The following ACSL1 variants were observed in gnomAD, a reference collection of about 807,000 sequenced individuals.
The protein encoded by ACSL1 is acyl-CoA synthetase long chain family member 1.
In ACSL1, 41 loss-of-function variants were observed where a neutral mutation model predicts 98.4. That is an observed-to-expected ratio of 0.42 (90% CI 0.32 to 0.54). The LOEUF is 0.54. ACSL1 is among the 20% of genes least tolerant of loss of function. The pLI is 0.13. For missense variants in ACSL1, 734 were observed against 883.1 expected, an observed-to-expected ratio of 0.83 and a Z score of 2.14; for synonymous variants, 316 against 322.7, an observed-to-expected ratio of 0.98 and a Z score of 0.22.
At position 184,757,573 on chromosome 4, in the gene ACSL1, T is replaced by C; in HGVS notation, c.1956+62A>G. The stretch of plus-strand genomic sequence containing the variant: ...CCCATATGTTTATATAATCTACCTG[T>C]AAAAAAATCTTAATGGAAAATTTGT... On this transcript the variant is annotated intron_variant, in intron 20 of 20. Transcript: ENST00000281455. The surrounding 1 kb of genome is among the most constrained non-coding windows in gnomAD (Gnocchi z 4.5). 2.0e-6 allele frequency: 3 copies of C among 1,494,328 alleles called. No individual in the cohort carries two copies. In the South Asian group the frequency reaches 3.6e-5, roughly 18 times the overall value. The allele number at this position is 1,494,328 out of a possible 1,614,324, so 92.6% of individuals were successfully genotyped here.
chr4:184,776,356 A>G (rs1765281585), intron 7 of ACSL1, 128 bp downstream of exon 7: 1 of 956,390 alleles, frequency 1.0e-6, no homozygotes, highest in Admixed American at 2.9e-5. Flanking sequence ...GCTCTCTTTC[A>G]TGGGTTGCGG....
intron 1 of ACSL1, among the ~76,000 whole-genome samples, chr4:184,817,625 G>C (rs138015898): frequency 9.1e-4 from 138 of 152,196 alleles, no homozygotes; most frequent in African/African-American, 3.3e-3. Flanking sequence ...CCTGAAATGC[G>C]TGCCACACCT....
rs1773389484 is a variant in ACSL1 at position 184,825,394 on chromosome 4, C to T, written c.-33+522G>A. 2.3e-5 allele frequency: 7 copies of T among 310,288 alleles called. No individual in the cohort carries two copies. Among genetic ancestry groups the T allele is most frequent in the Non-Finnish European group, 3.3e-5 (7 of 212,860 alleles). The allele number at this position is 310,288 out of a possible 1,614,324, so 19.2% of individuals were successfully genotyped here. A position where few individuals can be genotyped will look rare whatever the true frequency, so the allele number is the denominator to read the frequency against. On this transcript the variant is annotated intron_variant, in intron 1 of 20. Transcript: ENST00000281455. This position sits in a 1 kb window ranked among gnomAD's most constrained non-coding sequence, Gnocchi z 4.7. Reference sequence around the variant, plus strand: ...CCTCTGGCAGCGGCCTCTGAGCTGCCTGTGGGCCTCGTGCCGCCGCGCTGC... The same window carrying T: ...CCTCTGGCAGCGGCCTCTGAGCTGCTTGTGGGCCTCGTGCCGCCGCGCTGC...
chr4:184,815,078 C>T, intron 1 of ACSL1: 1 of 456,232 alleles, frequency 2.2e-6, no homozygotes, highest in Non-Finnish European at 4.4e-6. Flanking sequence ...CTACAGAAGA[C>T]AGATCTGATA....
At position 184,756,113 on chromosome 4, in the gene ACSL1, G is replaced by A. The variant is rs1762100127; in HGVS notation, c.*1012C>T. ...TACTCAAGTATATACTCCCTTAATAGCTTTAAAGAAATGCTTGCCTGAGAG... is the reference window on the plus strand; with the variant it reads ...TACTCAAGTATATACTCCCTTAATAACTTTAAAGAAATGCTTGCCTGAGAG... On this transcript the variant is annotated 3_prime_UTR_variant, in exon 21 of 21. Transcript: ENST00000281455. The A allele has an allele frequency of 6.6e-6, 1 of 152,254 alleles. No individual in the cohort carries two copies. The allele number at this position is 152,254 out of a possible 1,614,324, so 9.4% of individuals were successfully genotyped here.
chr4:184,776,024 A>G (rs570135239), intron 7 of ACSL1, among the ~76,000 whole-genome samples: 1 of 152,336 alleles, frequency 6.6e-6, no homozygotes, highest in Non-Finnish European at 1.5e-5. Flanking sequence ...ATGAAAACAA[A>G]CCAAATCAAA....
At chr4:184,760,313 G>A in intron 18 of ACSL1, 44 bp downstream of exon 18, 2 of 1,604,806 alleles carry the variant, frequency 1.2e-6, no homozygotes, top group Admixed American at 1.7e-5. Context: ...ACCAGGCAAT[G>A]GCAATGTGTA....
chr4:184,787,867 GA>G lies in ACSL1; in HGVS notation c.310+749del, dbSNP rs59958161. ...CAACAAGAGCAAAACTCCGTCCAAA[GA>G]AAAAAAAAAGTGCACAAGTCTGGGC... On this transcript the variant is annotated intron_variant, in intron 3 of 20. Transcript: ENST00000281455. Among the ~76,000 whole-genome samples the G allele has an allele frequency of 8.4e-3, 1,241 of 148,120 alleles. 7 individuals carry two copies. The highest frequency in any genetic ancestry group is 0.013 in the Non-Finnish European group (839 of 67,110).
intron 10 of ACSL1, among the ~76,000 whole-genome samples, chr4:184,772,366 C>T (rs1579860185): frequency 6.6e-6 from 1 of 152,138 alleles, no homozygotes; most frequent in African/African-American, 2.4e-5. Context: ...ATCAGAGCTA[C>T]AGAATACTTC....
chr4:184,796,455 A>G (rs1197054518), intron 2 of ACSL1, among the ~76,000 whole-genome samples: 3 of 152,248 alleles, frequency 2.0e-5, no homozygotes, highest in Non-Finnish European at 4.4e-5. Flanking sequence ...AATACTTTTC[A>G]GGAATTCTCT....
chr4:184,787,345 G>A (rs570519780), intron 3 of ACSL1, among the ~76,000 whole-genome samples: 1 of 152,220 alleles, frequency 6.6e-6, no homozygotes, highest in South Asian at 2.1e-4. Flanking sequence ...CTCGGGCTAG[G>A]GGGGCAGAAT....
At position 184,783,987 on chromosome 4, in the gene ACSL1, A is replaced by G. The variant is rs1299545786; in HGVS notation, c.315T>C (p.Asn105=). The part of the protein sequence containing the change: ...GFQRGIQVSN[N]GPCLGSRKPD... ...GTTTCCGAGAGCCTAAACAAGGGCCATTATCTAAAAAAAGAGAAAAAACAA... is the reference window on the plus strand; with the variant it reads ...GTTTCCGAGAGCCTAAACAAGGGCCGTTATCTAAAAAAAGAGAAAAAACAA... Residue 105 remains asparagine, a synonymous_variant, in exon 4 of 21, where the codon AAT becomes AAC. Coordinates refer to ENST00000281455, the MANE Select transcript of ACSL1 (RefSeq NM_001995.5). 5 of 1,612,960 alleles carry G rather than the reference A, an allele frequency of 3.1e-6. No homozygotes were observed. The highest frequency in any genetic ancestry group is 3.4e-6 in the Non-Finnish European group (4 of 1,179,408).
In ACSL1 at chr4:184,773,971, G is replaced by T; in HGVS notation, c.757-96C>A. 7.1e-7 allele frequency: 1 copy of T among 1,400,794 alleles called. No individual in the cohort carries two copies. Among genetic ancestry groups the T allele is most frequent in the Non-Finnish European group, 1.0e-6 (1 of 999,574 alleles). 86.8% of individuals were successfully genotyped at this position (1,400,794 alleles called of 1,614,324 possible). On this transcript the variant is annotated intron_variant, in intron 7 of 20. Coordinates refer to ENST00000281455, the MANE Select transcript of ACSL1 (RefSeq NM_001995.5). The surrounding 1 kb of genome is among the most constrained non-coding windows in gnomAD (Gnocchi z 4.3). ...TCACTTAAAGCTGGCTTTACTGTGGGGTTCATTCACACCTGGCTCGAAAAC... is the reference window on the plus strand; with the variant it reads ...TCACTTAAAGCTGGCTTTACTGTGGTGTTCATTCACACCTGGCTCGAAAAC...
rs184540019 is a variant in ACSL1 at position 184,816,516 on chromosome 4, G to A, written c.-33+9400C>T. On this transcript the variant is annotated intron_variant, in intron 1 of 20. Coordinates refer to ENST00000281455, the MANE Select transcript of ACSL1 (RefSeq NM_001995.5). ...GAAAGAAAAAGAGACTATGCAGTTC[G>A]GCCATTACCTGCTCGGAATGGGTGA... is the stretch of plus-strand genomic sequence containing the variant. Among the ~76,000 whole-genome samples the A allele has an allele frequency of 5.2e-3, 787 of 152,176 alleles. 10 individuals are homozygous for A. Among genetic ancestry groups the A allele is most frequent in the African/African-American group, 0.018 (747 of 41,546 alleles).
intron 5 of ACSL1, among the ~76,000 whole-genome samples, chr4:184,777,781 A>G (rs866849793): frequency 2.0e-5 from 3 of 151,340 alleles, no homozygotes; most frequent in Non-Finnish European, 3.0e-5. Flanking sequence ...AAGAGAAAGA[A>G]AGAGAGAGAG....
At position 184,757,299 on chromosome 4, in the gene ACSL1, A is replaced by G. The variant is rs759732995; in HGVS notation, c.1957-34T>C. Reference sequence around the variant, plus strand: ...AAACAAGGCAGTTAAAAGAGGAAAAAGGACACGGGCCACCAGTCTCAAAAG... The same window carrying G: ...AAACAAGGCAGTTAAAAGAGGAAAAGGGACACGGGCCACCAGTCTCAAAAG... On this transcript the variant is annotated intron_variant, in intron 20 of 20. Transcript: ENST00000281455. The surrounding 1 kb of genome is among the most constrained non-coding windows in gnomAD (Gnocchi z 4.5). 1 of 1,572,046 alleles carries G rather than the reference A, an allele frequency of 6.4e-7. No individual in the cohort carries two copies. The highest frequency in any genetic ancestry group is 8.7e-7 in the Non-Finnish European group (1 of 1,151,320).
chr4:184,805,285 A>C (rs1288353450), intron 1 of ACSL1, among the ~76,000 whole-genome samples: 1 of 152,220 alleles, frequency 6.6e-6, no homozygotes, highest in Non-Finnish European at 1.5e-5. Context: ...AATTAATTTT[A>C]AATTTAATGG....
rs559692844 is a variant in ACSL1 at position 184,818,282 on chromosome 4, T to G, written c.-33+7634A>C. 1.3e-3 allele frequency among the ~76,000 whole-genome samples: 203 copies of G among 152,250 alleles called. 1 individual carries two copies. The highest frequency in any genetic ancestry group is 4.6e-3 in the African/African-American group (190 of 41,558). ...AATACCAGGTAAAGGAAGACTACAG[T>G]AGAGTTATGTAACATTAGCTGGAGC... On this transcript the variant is annotated intron_variant, in intron 1 of 20. Transcript: ENST00000281455.
At chr4:184,808,613 T>G in intron 1 of ACSL1, 1 of 539,174 alleles carries the variant, frequency 1.9e-6, no homozygotes. Flanking sequence ...ATTCACTAGC[T>G]GGGCAGAGCT....
Sources: allele counts gnomAD v4.1 joint callset (sites outside exome capture counted in the v4.1 genomes callset), GRCh38; gene constraint gnomAD v4.1.1; non-coding constraint Gnocchi (gnomAD v3.1); transcripts MANE v1.5; gene names NCBI Gene and HGNC (gene_info 2026-07-23, HGNC 2026-07-21).